Variants in LCORL observed in about 807,000 individuals in gnomAD.
The protein encoded by LCORL is ligand dependent nuclear receptor corepressor like.
In LCORL, 41 loss-of-function variants were observed where a neutral mutation model predicts 141.8. The observed-to-expected ratio is 0.29, with a 90% CI of 0.23 to 0.38. LCORL has a LOEUF of 0.38. Among genes scored for constraint, LCORL ranks in the 10% least tolerant of loss-of-function variants. LCORL has a pLI of 1.00. For missense variants in LCORL, 1,759 were observed against 2,035.0 expected (o/e 0.86, Z 2.61); for synonymous variants, 618 against 694.1 (o/e 0.89, Z 1.72).
At chr4:17,860,268 T>C (rs993971810) in intron 7 of LCORL, among the ~76,000 whole-genome samples, 3 of 152,166 alleles carry the variant, frequency 2.0e-5, no homozygotes, top group African/African-American at 4.8e-5. Context: ...TACCCGAGAC[T>C]GGGCAATTTA....
At chr4:17,849,636 C>T (rs942817044) in intron 7 of LCORL, among the ~76,000 whole-genome samples, 4 of 152,126 alleles carry the variant, frequency 2.6e-5, no homozygotes, top group African/African-American at 7.2e-5. Flanking sequence ...TCCAAAGGAA[C>T]GCAGCTCCTC....
exon 8 of LCORL, chr4:17,843,402 T>G (rs776694732): frequency 6.2e-7 from 1 of 1,611,554 alleles, no homozygotes; most frequent in Non-Finnish European, 8.5e-7. Context: ...CCTTGCCCAA[T>G]TTCTCAATGA....
At chr4:17,910,243 A>T (rs1345329902) in intron 4 of LCORL, among the ~76,000 whole-genome samples, 1 of 152,206 alleles carries the variant, frequency 6.6e-6, no homozygotes, top group East Asian at 1.9e-4. Context: ...AGTGCACAAT[A>T]GCGATACAGA....
At chr4:17,966,999 C>T (rs1715019830) in intron 2 of LCORL, among the ~76,000 whole-genome samples, 1 of 152,040 alleles carries the variant, frequency 6.6e-6, no homozygotes, top group African/African-American at 2.4e-5. Context: ...TTCTAAATAG[C>T]CACATTTTGA....
intron 4 of LCORL, among the ~76,000 whole-genome samples, chr4:17,927,554 T>C (rs1187405141): frequency 3.3e-5 from 5 of 152,170 alleles, no homozygotes; most frequent in Non-Finnish European, 7.3e-5. Context: ...TAGCTTTTGA[T>C]TTAAAATAAG....
rs140934500 is a variant in LCORL, at chr4:18,014,404, C to A, written c.154+7194G>T. ...GATTTACTATTGGTTGTAAGTCAGA[C>A]TGAAAGACAGTAAAACCAGCAATGC... On this transcript the variant is annotated intron_variant, in intron 1 of 7. Coordinates refer to ENST00000635767, the Ensembl canonical transcript of LCORL. 2.8e-3 allele frequency among the ~76,000 whole-genome samples: 431 copies of A among 152,022 alleles called. 3 individuals carry two copies. Among genetic ancestry groups the A allele is most frequent in the African/African-American group, 9.9e-3 (411 of 41,466 alleles).
chr4:17,944,363 A>G (rs1738487764), intron 4 of LCORL, among the ~76,000 whole-genome samples: 1 of 152,138 alleles, frequency 6.6e-6, no homozygotes, highest in Admixed American at 6.5e-5. Context: ...TAACTGGAAT[A>G]TTTATTTCTG....
chr4:17,951,787 G>C (rs1474253078), intron 4 of LCORL, among the ~76,000 whole-genome samples: 2 of 152,184 alleles, frequency 1.3e-5, no homozygotes, highest in Non-Finnish European at 2.9e-5. Context: ...AGCAGTGCCT[G>C]GCATGTAGTA....
intron 7 of LCORL, among the ~76,000 whole-genome samples, chr4:17,856,942 T>C (rs1724428481): frequency 6.6e-6 from 1 of 152,238 alleles, no homozygotes; most frequent in Non-Finnish European, 1.5e-5. Context: ...TGTTTGTTTT[T>C]CTCTCTTACT....
chr4:17,954,557 T>C (rs1428127184), intron 4 of LCORL, among the ~76,000 whole-genome samples: 1 of 148,336 alleles, frequency 6.7e-6, no homozygotes, highest in Non-Finnish European at 1.5e-5. Flanking sequence ...AAACATCATT[T>C]TTCTTTTTGC....
intron 4 of LCORL, among the ~76,000 whole-genome samples, chr4:17,950,897 A>C (rs550895049): frequency 1.3e-5 from 2 of 152,344 alleles, no homozygotes; most frequent in Admixed American, 6.5e-5. Flanking sequence ...ATTAAACTAC[A>C]AATAGAGTAT....
intron 7 of LCORL, among the ~76,000 whole-genome samples, chr4:17,859,540 T>C (rs1375476960): frequency 6.6e-6 from 1 of 152,132 alleles, no homozygotes; most frequent in Non-Finnish European, 1.5e-5. Flanking sequence ...AGGAAAGATA[T>C]GGGATAGAAA....
chr4:17,858,729 A>AAATAATAATAATAATAAT (rs567498935), intron 7 of LCORL, among the ~76,000 whole-genome samples: 80 of 149,158 alleles, frequency 5.4e-4, no homozygotes, highest in African/African-American at 2.0e-3. Flanking sequence ...ACTCCATCTC[A>AAATAATAATAATAATAAT]AATAATAATA....
chr4:17,962,967 T>C lies in LCORL; in HGVS notation c.300+3A>G. 1 of 1,542,128 alleles carries C rather than the reference T, an allele frequency of 6.5e-7. No individual in the cohort carries two copies. The highest frequency in any genetic ancestry group is 8.8e-7 in the Non-Finnish European group (1 of 1,136,504). On this transcript the variant is annotated splice_donor_region_variant and intron_variant, in intron 3 of 7. Coordinates refer to ENST00000635767, the Ensembl canonical transcript of LCORL. ...AAGATAATTTCATAGCACTAAAACT[T>C]ACACTGACTGCTTCTCTCTGTAGGT... is the stretch of plus-strand genomic sequence containing the variant.
chr4:17,979,542 A>T (rs895830693), intron 1 of LCORL, among the ~76,000 whole-genome samples: 1 of 152,228 alleles, frequency 6.6e-6, no homozygotes, highest in Non-Finnish European at 1.5e-5. Context: ...TTAAATATGA[A>T]ATATTTTAAA....
chr4:17,961,188 C>G (rs1224000610), intron 4 of LCORL, among the ~76,000 whole-genome samples: 2 of 152,040 alleles, frequency 1.3e-5, no homozygotes, highest in African/African-American at 4.8e-5. Flanking sequence ...TGCACCATAA[C>G]TTAATCCAAA....
At chr4:18,012,092 G>A (rs1294908900) in intron 1 of LCORL, among the ~76,000 whole-genome samples, 1 of 152,088 alleles carries the variant, frequency 6.6e-6, no homozygotes, top group Non-Finnish European at 1.5e-5. Context: ...CACATTCTTG[G>A]GGGAAGTACT....
intron 7 of LCORL, among the ~76,000 whole-genome samples, chr4:17,857,576 C>T (rs574531307): frequency 1.3e-5 from 2 of 152,196 alleles, no homozygotes; most frequent in South Asian, 4.1e-4. Context: ...TTTTGGGGGG[C>T]TGTGCTAGAC....
intron 5 of LCORL, among the ~76,000 whole-genome samples, chr4:17,892,187 G>A (rs1003663146): frequency 3.3e-5 from 5 of 149,800 alleles, no homozygotes; most frequent in Non-Finnish European, 5.9e-5. Context: ...ACCTCTGCAA[G>A]TCAAATAGTA....
Sources: gnomAD v4.1 joint callset for allele counts (sites outside exome capture counted in the v4.1 genomes callset) on GRCh38, gnomAD v4.1.1 for gene constraint, MANE v1.5 for transcripts, NCBI Gene and HGNC (gene_info 2026-07-23, HGNC 2026-07-21) for gene names.